Variants in SFXN1 observed in about 807,000 individuals in gnomAD.
SFXN1 encodes the protein sideroflexin-1.
SFXN1 carries 32 observed loss-of-function variants against 39.5 expected under a neutral mutation model. That is an observed-to-expected ratio of 0.81 (90% CI 0.61 to 1.09). The LOEUF is 1.09. Ranked by LOEUF, SFXN1 falls within the 50% of genes least tolerant of loss-of-function variation. SFXN1 has a pLI of 0.00. For synonymous variants in SFXN1, 136 were observed against 146.5 expected, an observed-to-expected ratio of 0.93 and a Z score of 0.52; for missense variants, 402 against 407.1, an observed-to-expected ratio of 0.99 and a Z score of 0.11.
At chr5:175,481,797 T>C (rs1759262567) in intron 1 of SFXN1, among the ~76,000 whole-genome samples, 2 of 152,218 alleles carry the variant, frequency 1.3e-5, no homozygotes, top group African/African-American at 4.8e-5. Context: ...TGAGTGGAAA[T>C]AGAATGAATC....
intron 1 of SFXN1, among the ~76,000 whole-genome samples, chr5:175,489,536 T>C (rs1759580872): frequency 6.6e-6 from 1 of 152,188 alleles, no homozygotes; most frequent in South Asian, 2.1e-4. Flanking sequence ...ATTCAAAATT[T>C]AGTCATGTCT....
In SFXN1 at chr5:175,529,268, C is replaced by T. The variant is rs989887256; in HGVS notation, c.*2534C>T. The T allele has an allele frequency of 1.1e-4, 16 of 151,370 alleles. No individual in the cohort carries two copies. The highest frequency in any genetic ancestry group is 3.9e-4 in the African/African-American group (16 of 41,068). 9.4% of individuals were successfully genotyped at this position (151,370 alleles called of 1,614,324 possible). A position where few individuals can be genotyped will look rare whatever the true frequency, so the allele number is the denominator to read the frequency against. On this transcript the variant is annotated 3_prime_UTR_variant, in exon 11 of 11. Transcript: ENST00000321442. ...TAGGAGAATCGCTTGAATCCGGGAGCTGGAGGTTGCAGTGAGCCAAGATCG... is the reference window on the plus strand; with the variant it reads ...TAGGAGAATCGCTTGAATCCGGGAGTTGGAGGTTGCAGTGAGCCAAGATCG...
At chr5:175,517,778 C>A (rs1760755610) in intron 8 of SFXN1, among the ~76,000 whole-genome samples, 1 of 152,140 alleles carries the variant, frequency 6.6e-6, no homozygotes, top group Non-Finnish European at 1.5e-5. Context: ...CGGGCTTCAC[C>A]ATGCCTCTTC....
chr5:175,493,997 T>C (rs532662427), intron 2 of SFXN1, among the ~76,000 whole-genome samples: 7 of 151,656 alleles, frequency 4.6e-5, no homozygotes, highest in Non-Finnish European at 7.4e-5. Flanking sequence ...CTGATATAGA[T>C]GGAAAAGAAG....
chr5:175,524,896 A>G (rs1761013197), intron 10 of SFXN1, among the ~76,000 whole-genome samples: 2 of 152,230 alleles, frequency 1.3e-5, no homozygotes, highest in African/African-American at 4.8e-5. Context: ...AGATTTGAAA[A>G]CAAGCAAAAT....
At chr5:175,508,882 G>T (rs1760409121) in intron 2 of SFXN1, 150 bp from the exon 3 acceptor site, 1 of 584,386 alleles carries the variant, frequency 1.7e-6, no homozygotes, top group African/African-American at 1.9e-5. Flanking sequence ...TGATCCACCT[G>T]CCTCAGCCTC....
At chr5:175,491,986 A>G (rs1759670750) in intron 1 of SFXN1, 109 bp from the exon 2 acceptor site, 5 of 646,334 alleles carry the variant, frequency 7.7e-6, no homozygotes. Context: ...CTTTATAAAT[A>G]GGAAGAGTAT....
intron 8 of SFXN1, 78 bp downstream of exon 8, chr5:175,516,741 A>G (rs887864704): frequency 6.9e-7 from 1 of 1,448,460 alleles, no homozygotes; most frequent in Non-Finnish European, 9.5e-7. Context: ...ATTATTTGCT[A>G]CCTAAACAGT....
At chr5:175,502,690 A>G (rs1485104520) in intron 2 of SFXN1, among the ~76,000 whole-genome samples, 1 of 151,858 alleles carries the variant, frequency 6.6e-6, no homozygotes, top group African/African-American at 2.4e-5. Flanking sequence ...AAATATAAAA[A>G]ATTAGCCGGG....
Position 175,529,217 on chromosome 5 carries a change from A to G in SFXN1, c.*2483A>G, listed in dbSNP as rs1334186887. The G allele has an allele frequency of 6.6e-6, 1 of 152,230 alleles. No homozygotes were observed. Among genetic ancestry groups the G allele is most frequent in the East Asian group, 1.9e-4 (1 of 5,190 alleles). 9.4% of individuals were successfully genotyped at this position (152,230 alleles called of 1,614,324 possible). A position where few individuals can be genotyped will look rare whatever the true frequency, so the allele number is the denominator to read the frequency against. ...GCCAGGCATGGAGGCACATGCCTAT[A>G]ATCCCAGCTACTCGGGAGGCTGAGG... On this transcript the variant is annotated 3_prime_UTR_variant, in exon 11 of 11. Coordinates refer to ENST00000321442, the MANE Select transcript of SFXN1 (RefSeq NM_022754.7).
At chr5:175,509,462 A>G (rs915524285) in intron 3 of SFXN1, 4 of 252,942 alleles carry the variant, frequency 1.6e-5, no homozygotes, top group African/African-American at 8.9e-5. Context: ...TGTAAAAGAA[A>G]AGAAGTCATT....
chr5:175,516,683 T>C lies in SFXN1; in HGVS notation c.774+20T>C, dbSNP rs750300659. The C allele has an allele frequency of 4.8e-5, 77 of 1,609,288 alleles. No homozygotes were observed. The highest frequency in any genetic ancestry group is 6.6e-5 in the South Asian group (6 of 90,474). On this transcript the variant is annotated intron_variant, in intron 8 of 10. Coordinates refer to ENST00000321442, the MANE Select transcript of SFXN1 (RefSeq NM_022754.7). Reference sequence around the variant, plus strand: ...TTGAAGGTAAGCTGTGGTTCTTTTGTCATTTTCTCAACCCTTTTTATTTCT... The same window carrying C: ...TTGAAGGTAAGCTGTGGTTCTTTTGCCATTTTCTCAACCCTTTTTATTTCT...
chr5:175,504,039 TAAAG>T (rs1012534832), intron 2 of SFXN1, among the ~76,000 whole-genome samples: 2 of 131,508 alleles, frequency 1.5e-5, no homozygotes, highest in East Asian at 2.3e-4. Flanking sequence ...ATGGAATACT[TAAAG>T]AAAGAAAAGA....
chr5:175,482,354 C>T, intron 1 of SFXN1, among the ~76,000 whole-genome samples: 1 of 152,176 alleles, frequency 6.6e-6, no homozygotes, highest in East Asian at 1.9e-4. Context: ...TGTACTAATT[C>T]CTCATAAAGC....
chr5:175,511,549 A>G (rs769574615), intron 5 of SFXN1, 23 bp downstream of exon 5: 7 of 1,595,232 alleles, frequency 4.4e-6, no homozygotes, highest in Non-Finnish European at 6.0e-6. Flanking sequence ...TTATTTCCAT[A>G]ATAAAGCTGT....
rs762989628 is a variant in SFXN1 at position 175,492,236 on chromosome 5, G to C, written c.133G>C (p.Glu45Gln). The change falls in exon 2 of 11, where the codon GAG becomes CAG. Residue 45 changes from glutamate to glutamine, a missense_variant. Physicochemically the swap from Glu to Gln is conservative, Grantham distance 29. Coordinates refer to ENST00000321442, the MANE Select transcript of SFXN1 (RefSeq NM_022754.7). ...RNILLTNEQL[E>Q]SARKIVHDYR... ...CATTCTGTTAACCAACGAACAACTC[G>C]AGAGTGCGAGAAAAATAGTACATGA... is the stretch of plus-strand genomic sequence containing the variant. The C allele has an allele frequency of 1.2e-6, 2 of 1,612,784 alleles. No homozygotes were observed. Among genetic ancestry groups the C allele is most frequent in the Non-Finnish European group, 1.7e-6 (2 of 1,179,756 alleles).
intron 2 of SFXN1, among the ~76,000 whole-genome samples, chr5:175,501,643 C>G (rs887122200): frequency 1.3e-5 from 2 of 152,054 alleles, no homozygotes; most frequent in African/African-American, 4.8e-5. Context: ...TTACCCAACC[C>G]AATTTTTTTA....
At chr5:175,503,527 C>T (rs544509296) in intron 2 of SFXN1, among the ~76,000 whole-genome samples, 1 of 152,322 alleles carries the variant, frequency 6.6e-6, no homozygotes, top group South Asian at 2.1e-4. Flanking sequence ...AAAAAAGCCA[C>T]ATCTTGATAG....
chr5:175,526,354 A>G (rs1365853960), intron 10 of SFXN1, among the ~76,000 whole-genome samples: 1 of 152,206 alleles, frequency 6.6e-6, no homozygotes, highest in African/African-American at 2.4e-5. Context: ...AGGGCCTGAG[A>G]GTGTCATCAC....
Sources: gnomAD v4.1 joint callset for allele counts (sites outside exome capture counted in the v4.1 genomes callset) on GRCh38, gnomAD v4.1.1 for gene constraint, MANE v1.5 for transcripts, NCBI Gene and HGNC (gene_info 2026-07-23, HGNC 2026-07-21) for gene names.